TET2: variants seen among roughly 807,000 people sequenced by gnomAD.
The protein encoded by TET2 is methylcytosine dioxygenase TET2.
A neutral mutation model predicts 142.9 loss-of-function variants in TET2; 299 were observed. That is an observed-to-expected ratio of 2.09 (90% confidence interval 1.90 to 2.30). TET2 has a LOEUF of 2.30. TET2 is among the 30% of genes most tolerant of loss of function. The pLI is 0.00. For missense variants in TET2, 2,418 were observed against 2,378.0 expected (o/e 1.02, Z -0.35); for synonymous variants, 819 against 849.0 (o/e 0.96, Z 0.61).
At chr4:105,250,380 ATTTTTTTTTT>A (rs59695275) in intron 6 of TET2, among the ~76,000 whole-genome samples, 2,524 of 60,350 alleles carry the variant, frequency 0.042, 116 homozygotes, top group African/African-American at 0.17. Flanking sequence ...TCCTTTCTGG[ATTTTTTTTTT>A]TTTTTTTTTT....
At chr4:105,207,360 C>T (rs1726887092) in intron 2 of TET2, among the ~76,000 whole-genome samples, 1 of 152,142 alleles carries the variant, frequency 6.6e-6, no homozygotes, top group East Asian at 1.9e-4. Context: ...AAGTGAATAA[C>T]TCAAACTGGA....
At chr4:105,193,572 T>G (rs1047410349) in intron 2 of TET2, among the ~76,000 whole-genome samples, 2 of 152,058 alleles carry the variant, frequency 1.3e-5, no homozygotes, top group Admixed American at 6.6e-5. Context: ...GAAAATGGAT[T>G]TTGTTAAGAG....
At position 105,272,935 on chromosome 4, in the gene TET2, G is replaced by A. The variant is rs1472728009; in HGVS notation, c.4537+17G>A. On this transcript the variant is annotated intron_variant, in intron 10 of 10. Transcript: ENST00000380013. Reference sequence around the variant, plus strand: ...AGTTGGCAGGTAAATTTAATGTAAAGCATTTGTAGATAAATGTGTTGTGTG... The same window carrying A: ...AGTTGGCAGGTAAATTTAATGTAAAACATTTGTAGATAAATGTGTTGTGTG... 2 of 1,498,848 alleles carry A rather than the reference G, an allele frequency of 1.3e-6. No homozygotes were observed. The highest frequency in any genetic ancestry group is 1.4e-5 in the African/African-American group (1 of 70,496). 92.8% of individuals were successfully genotyped at this position (1,498,848 alleles called of 1,614,324 possible).
intron 1 of TET2, among the ~76,000 whole-genome samples, chr4:105,178,732 T>C (rs1032087347): frequency 3.9e-5 from 6 of 152,146 alleles, no homozygotes; most frequent in Admixed American, 2.0e-4. Flanking sequence ...AGTTTATTAA[T>C]GTTAAAAAAT....
chr4:105,182,829 C>A (rs1451118249), intron 1 of TET2, among the ~76,000 whole-genome samples: 1 of 151,890 alleles, frequency 6.6e-6, no homozygotes, highest in Admixed American at 6.6e-5. Flanking sequence ...TATAATTGAT[C>A]CTTTGATGTT....
intron 1 of TET2, chr4:105,177,461 G>C (rs959730861): frequency 6.6e-6 from 1 of 152,120 alleles, no homozygotes; most frequent in East Asian, 1.9e-4. Context: ...CTTAAAAAAT[G>C]AGCAAAAAAC....
chr4:105,184,049 C>T (rs1373669228), intron 1 of TET2, among the ~76,000 whole-genome samples: 1 of 152,158 alleles, frequency 6.6e-6, no homozygotes, highest in Non-Finnish European at 1.5e-5. Flanking sequence ...GCACATCCTT[C>T]ATTGGCCCAG....
At chr4:105,244,378 T>C (rs547550145) in intron 6 of TET2, among the ~76,000 whole-genome samples, 59 of 152,296 alleles carry the variant, frequency 3.9e-4, no homozygotes, top group Non-Finnish European at 7.2e-4. Context: ...TCCAGGAATA[T>C]AAGAATTTAG....
In TET2 at chr4:105,223,627, T is replaced by A. The variant is rs561255363; in HGVS notation, c.-46-10270T>A. Among the ~76,000 whole-genome samples, 19 of 152,256 alleles carry A rather than the reference T, an allele frequency of 1.2e-4. No individual in the cohort carries two copies. The East Asian group carries it at 3.3e-3, about 26-fold the overall frequency. On this transcript the variant is annotated intron_variant, in intron 2 of 10. Transcript: ENST00000380013. ...AATGAAGTCCATAGCATTGCACACATCTTGAAATAAGTGTATAATTGACAC... is the reference window on the plus strand; with the variant it reads ...AATGAAGTCCATAGCATTGCACACAACTTGAAATAAGTGTATAATTGACAC...
In TET2 at chr4:105,236,912, T is replaced by C. The variant is rs369782505; in HGVS notation, c.2970T>C (p.His990=). The change falls in exon 3 of 11, where the codon CAT becomes CAC. Residue 990 remains histidine, a synonymous_variant. Transcript: ENST00000380013. The part of the protein sequence containing the change: ...PIKVEPGCKP[H]ACMHTAPPEN... ...AGGTGGAACCTGGATGCAAGCCACA[T>C]GCCTGTATGCACACAGCACCACCAG... The C allele has an allele frequency of 2.5e-6, 4 of 1,613,992 alleles. No individual in the cohort carries two copies. The African/African-American group carries it at 5.3e-5, about 22-fold the overall frequency.
intron 2 of TET2, among the ~76,000 whole-genome samples, chr4:105,229,035 C>T (rs972031180): frequency 3.3e-5 from 5 of 152,114 alleles, no homozygotes; most frequent in African/African-American, 4.8e-5. Context: ...ATTGATGATA[C>T]GTTTGATTTA....
At chr4:105,269,846 T>A (rs1323955083) in intron 9 of TET2, 99 bp downstream of exon 9, 2 of 1,382,796 alleles carry the variant, frequency 1.4e-6, no homozygotes, top group East Asian at 5.1e-5. Flanking sequence ...GGAAAGAGAT[T>A]TAATTGACTC....
chr4:105,265,758 A>G (rs1220871003), intron 8 of TET2, among the ~76,000 whole-genome samples: 1 of 152,192 alleles, frequency 6.6e-6, no homozygotes, highest in African/African-American at 2.4e-5. Flanking sequence ...AACTGACAAA[A>G]TATATGAAAC....
chr4:105,189,559 C>G (rs891127242), intron 1 of TET2, among the ~76,000 whole-genome samples: 1 of 152,162 alleles, frequency 6.6e-6, no homozygotes, highest in Non-Finnish European at 1.5e-5. Flanking sequence ...TCTCCCCATT[C>G]CTCTTTTCTC....
In TET2 at chr4:105,235,881, G is replaced by A; in HGVS notation, c.1939G>A (p.Val647Met). 2 of 1,614,018 alleles carry A rather than the reference G, an allele frequency of 1.2e-6. No homozygotes were observed. Among genetic ancestry groups the A allele is most frequent in the Non-Finnish European group, 1.7e-6 (2 of 1,179,992 alleles). The change falls in exon 3 of 11, where the codon GTG becomes ATG. Residue 647 changes from valine (V) to methionine (M), a missense_variant. Physicochemically the swap from Val to Met is conservative, Grantham distance 21. Transcript: ENST00000380013. ...EMNQGQSQGT[V>M]DQHLQFQKPS... ...GAATCAAGGGCAGTCCCAAGGTACA[G>A]TGGACCAACATCTCCAGTTCCAAAA...
rs753071478 is a variant in TET2 at position 105,190,501 on chromosome 4, T to C, written c.-51T>C. 2 of 701,906 alleles carry C rather than the reference T, an allele frequency of 2.8e-6. No individual in the cohort carries two copies. Among genetic ancestry groups the C allele is most frequent in the Non-Finnish European group, 5.2e-6 (2 of 384,696 alleles). 43.5% of individuals were successfully genotyped at this position (701,906 alleles called of 1,614,324 possible). ...CAGGAAGAGCAGTAAGGGACTGAGC[T>C]GCTGGTAAGACAGTGGAGACAGTTG... On this transcript the variant is annotated 5_prime_UTR_variant, in exon 2 of 11. Coordinates refer to ENST00000380013, the MANE Select transcript of TET2 (RefSeq NM_001127208.3).
At chr4:105,158,827 G>A (rs1259919207) in intron 1 of TET2, among the ~76,000 whole-genome samples, 1 of 151,342 alleles carries the variant, frequency 6.6e-6, no homozygotes, top group Admixed American at 6.6e-5. Flanking sequence ...AAAAAAGAAA[G>A]AAAAGACAAA....
In TET2 at chr4:105,276,095, T is replaced by G. The variant is rs2110315736; in HGVS notation, c.5585T>G (p.Val1862Gly). 1 of 1,551,382 alleles carries G rather than the reference T, an allele frequency of 6.4e-7. No individual in the cohort carries two copies. Among genetic ancestry groups the G allele is most frequent in the Non-Finnish European group, 8.7e-7 (1 of 1,146,920 alleles). Residue 1862 changes from valine to glycine, a missense_variant, in exon 11 of 11, where the codon GTG becomes GGG. By Grantham distance (109) the Val-to-Gly change is moderately radical. Coordinates refer to ENST00000380013, the MANE Select transcript of TET2 (RefSeq NM_001127208.3). ...TTTCTGGATCCTGACATTGGGGGAG[T>G]GGCCGTGGCTCCAACTCATGGGTCA... is the stretch of plus-strand genomic sequence containing the variant. ...QSFLDPDIGG[V>G]AVAPTHGSIL...
chr4:105,180,475 A>G (rs1725050845), intron 1 of TET2, among the ~76,000 whole-genome samples: 1 of 149,958 alleles, frequency 6.7e-6, no homozygotes, highest in Middle Eastern at 3.5e-3. Flanking sequence ...TTTAAGTTTT[A>G]TCTTTTTTTG....
Sources: gnomAD v4.1 joint callset for allele counts (sites outside exome capture counted in the v4.1 genomes callset) on GRCh38, gnomAD v4.1.1 for gene constraint, MANE v1.5 for transcripts, NCBI Gene and HGNC (gene_info 2026-07-23, HGNC 2026-07-21) for gene names.